BFSP2: variants seen among roughly 807,000 people sequenced by gnomAD.
The protein encoded by BFSP2 is beaded filament structural protein 2, also known as phakinin.
In BFSP2, 38 loss-of-function variants were observed where a neutral mutation model predicts 44.9. The observed-to-expected ratio is 0.85, with a 90% CI of 0.65 to 1.11. BFSP2 has a LOEUF of 1.11. Among genes scored for constraint, BFSP2 ranks in the 50% least tolerant of loss-of-function variants. BFSP2 has a pLI of 0.00. For synonymous variants in BFSP2, 197 were observed against 209.9 expected (o/e 0.94, Z 0.53); for missense variants, 525 against 533.0 (o/e 0.99, Z 0.15).
intron 1 of BFSP2, 125 bp from the exon 2 acceptor site, chr3:133,447,192 A>G: frequency 1.1e-6 from 1 of 896,168 alleles, no homozygotes; most frequent in Non-Finnish European, 1.8e-6. Flanking sequence ...AATTCCACAA[A>G]TATTTGCTGT....
At chr3:133,422,334 C>T (rs2073600812) in intron 1 of BFSP2, among the ~76,000 whole-genome samples, 2 of 152,150 alleles carry the variant, frequency 1.3e-5, no homozygotes, top group East Asian at 3.8e-4. Flanking sequence ...CATCTCCCTG[C>T]ACACACACAG....
At chr3:133,433,531 T>A (rs1002287195) in intron 1 of BFSP2, among the ~76,000 whole-genome samples, 18 of 152,056 alleles carry the variant, frequency 1.2e-4, no homozygotes, top group Non-Finnish European at 2.6e-4. Flanking sequence ...AAGCCCCGAG[T>A]CAGATAACTA....
intron 4 of BFSP2, 128 bp downstream of exon 4, chr3:133,450,592 CAG>C: frequency 9.3e-7 from 1 of 1,079,628 alleles, no homozygotes; most frequent in Non-Finnish European, 1.4e-6. Context: ...TCATTAGAAA[CAG>C]AAGAAATGAA....
chr3:133,418,925 G>T (rs1197997384), intron 1 of BFSP2, among the ~76,000 whole-genome samples: 2 of 152,098 alleles, frequency 1.3e-5, no homozygotes, highest in Non-Finnish European at 2.9e-5. Context: ...AGGAAGATGG[G>T]ATTATGTGCA....
At chr3:133,432,260 G>A (rs915934457) in intron 1 of BFSP2, among the ~76,000 whole-genome samples, 6 of 152,178 alleles carry the variant, frequency 3.9e-5, no homozygotes, top group African/African-American at 1.4e-4. Flanking sequence ...CAGGATCTGC[G>A]CCTTATCAAC....
chr3:133,462,880 T>TA (rs2074076520), intron 4 of BFSP2, among the ~76,000 whole-genome samples: 1 of 152,228 alleles, frequency 6.6e-6, no homozygotes, highest in African/African-American at 2.4e-5. Flanking sequence ...CATTATTTGT[T>TA]ACTGGTGGCA....
chr3:133,412,456 C>A (rs189403383), intron 1 of BFSP2: 65 of 152,352 alleles, frequency 4.3e-4, no homozygotes, highest in African/African-American at 1.6e-3. Flanking sequence ...GTTGATCAAC[C>A]GACATACGCT....
At chr3:133,402,297 C>T (rs752577992) in intron 1 of BFSP2, among the ~76,000 whole-genome samples, 13 of 152,166 alleles carry the variant, frequency 8.5e-5, no homozygotes, top group Non-Finnish European at 1.2e-4. Context: ...GCTACAAGAG[C>T]CTTTGCAACT....
At chr3:133,430,900 G>C (rs1401907294) in intron 1 of BFSP2, among the ~76,000 whole-genome samples, 1 of 152,010 alleles carries the variant, frequency 6.6e-6, no homozygotes, top group Admixed American at 6.5e-5. Flanking sequence ...CCTCACACCT[G>C]GTCCGGCTTA....
chr3:133,456,528 C>T (rs948063517), intron 4 of BFSP2, among the ~76,000 whole-genome samples: 3 of 152,272 alleles, frequency 2.0e-5, no homozygotes, highest in Admixed American at 2.0e-4. Flanking sequence ...GGGCAGATCG[C>T]TTGAGCCCAG....
chr3:133,424,500 C>T (rs1317919268), intron 1 of BFSP2, among the ~76,000 whole-genome samples: 2 of 49,618 alleles, frequency 4.0e-5, no homozygotes, highest in East Asian at 5.2e-4. Flanking sequence ...TCTCAGCCCA[C>T]CAAATACTTT....
chr3:133,421,494 C>G lies in BFSP2; in HGVS notation c.489+20922C>G, dbSNP rs547385298. Among the ~76,000 whole-genome samples, 17 of 152,310 alleles carry G rather than the reference C, an allele frequency of 1.1e-4. No individual in the cohort carries two copies. The South Asian group carries it at 1.4e-3, about 13-fold the overall frequency. On this transcript the variant is annotated intron_variant, in intron 1 of 6. Coordinates refer to ENST00000302334, the MANE Select transcript of BFSP2 (RefSeq NM_003571.4). ...CTTCATTCTTCCATATGTCTGTGTC[C>G]AAATTTTCCTCTTTTCATAAGGATG...
chr3:133,413,305 C>T (rs958502854), intron 1 of BFSP2, among the ~76,000 whole-genome samples: 1 of 151,994 alleles, frequency 6.6e-6, no homozygotes, highest in South Asian at 2.1e-4. Flanking sequence ...ACTGACGTGT[C>T]CCGGTGGGAG....
chr3:133,442,862 CT>C (rs370003234), intron 1 of BFSP2, among the ~76,000 whole-genome samples: 2,373 of 135,606 alleles, frequency 0.017, 24 homozygotes, highest in African/African-American at 0.047. Context: ...TCTAGATTTT[CT>C]TTTTTTTTTT....
At chr3:133,426,024 GA>G (rs2073651443) in intron 1 of BFSP2, among the ~76,000 whole-genome samples, 1 of 29,284 alleles carries the variant, frequency 3.4e-5, no homozygotes. Context: ...GAAGGGAAGG[GA>G]AGGGAAGGGA....
In BFSP2 at chr3:133,431,856, T is replaced by C. The variant is rs113949746; in HGVS notation, c.490-15461T>C. Among the ~76,000 whole-genome samples the C allele has an allele frequency of 8.6e-4, 131 of 152,202 alleles. 1 individual carries two copies. The highest frequency in any genetic ancestry group is 3.0e-3 in the African/African-American group (126 of 41,490). ...CCTTTTAAGCACTCCTTTTTAGTTA[T>C]CCCCACCTGCCCCGTTCCCTTATTA... On this transcript the variant is annotated intron_variant, in intron 1 of 6. Coordinates refer to ENST00000302334, the MANE Select transcript of BFSP2 (RefSeq NM_003571.4).
At chr3:133,435,087 A>C (rs554154793) in intron 1 of BFSP2, among the ~76,000 whole-genome samples, 3 of 152,202 alleles carry the variant, frequency 2.0e-5, no homozygotes, top group Non-Finnish European at 4.4e-5. Flanking sequence ...TAAGATTAGG[A>C]AACAAAAAGA....
rs11454142 is a variant in BFSP2, at chr3:133,448,962, G to GT, written c.729+326dup. The GT allele has an allele frequency of 0.14, 44,349 of 316,450 alleles. 2,996 individuals carry two copies. Among genetic ancestry groups the GT allele is most frequent in the African/African-American group, 0.24 (11,196 of 46,186 alleles). 19.6% of individuals were successfully genotyped at this position (316,450 alleles called of 1,614,324 possible). On this transcript the variant is annotated intron_variant, in intron 3 of 6. Coordinates refer to ENST00000302334, the MANE Select transcript of BFSP2 (RefSeq NM_003571.4). ...CCCTCCTCAATGCATTCTATGTCAG[G>GT]TTTTTTTTTCAACACTGTATTATAC...
chr3:133,410,909 T>C (rs2073446175), intron 1 of BFSP2: 2 of 154,336 alleles, frequency 1.3e-5, no homozygotes, highest in South Asian at 4.1e-4. Flanking sequence ...CTGATTGAAC[T>C]TGAACTGCCT....
Sources: allele counts gnomAD v4.1 joint callset (sites outside exome capture counted in the v4.1 genomes callset), GRCh38; gene constraint gnomAD v4.1.1; transcripts MANE v1.5; gene names NCBI Gene and HGNC (gene_info 2026-07-23, HGNC 2026-07-21).